Variants in KMT2C observed in about 807,000 individuals in gnomAD.
KMT2C encodes the protein lysine methyltransferase 2C, also known as histone-lysine N-methyltransferase 2C.
Under a neutral mutation model 507.9 loss-of-function variants are expected in KMT2C, and 88 were observed. The observed-to-expected ratio is 0.17, with a 90% CI of 0.15 to 0.21. KMT2C has a LOEUF of 0.21. KMT2C is among the 10% of genes least tolerant of loss of function. The pLI, the probability that KMT2C is intolerant of heterozygous loss-of-function variation, is 1.00. For missense variants in KMT2C, 4,954 were observed against 5,957.8 expected, an observed-to-expected ratio of 0.83 and a Z score of 5.55; for synonymous variants, 2,049 against 2,080.8, an observed-to-expected ratio of 0.98 and a Z score of 0.42.
rs556997323 is a variant in KMT2C, at chr7:152,253,004, G to A, written c.1300-289C>T. Among the ~76,000 whole-genome samples, 3 of 152,048 alleles carry A rather than the reference G, an allele frequency of 2.0e-5. No individual in the cohort carries two copies. The East Asian group carries it at 5.8e-4, about 30-fold the overall frequency. On this transcript the variant is annotated intron_variant, in intron 9 of 58. Coordinates refer to ENST00000262189, the MANE Select transcript of KMT2C (RefSeq NM_170606.3). ...TGAGTAGCTGGGACTACAGGTGTGT[G>A]CCACCACACCCAGCTAATTTTTGTG...
intron 1 of KMT2C, among the ~76,000 whole-genome samples, chr7:152,384,266 A>G (rs1306603009): frequency 6.6e-6 from 1 of 152,154 alleles, no homozygotes; most frequent in Non-Finnish European, 1.5e-5. Flanking sequence ...AATCAAAACT[A>G]TTCCTTGGAA....
chr7:152,210,838 A>G (rs2129140433), intron 23 of KMT2C, among the ~76,000 whole-genome samples: 1 of 152,350 alleles, frequency 6.6e-6, no homozygotes, highest in South Asian at 2.1e-4. Flanking sequence ...AGCTCTTGAA[A>G]TAACTGAAAT....
chr7:152,308,559 A>C (rs143063507), intron 6 of KMT2C, among the ~76,000 whole-genome samples: 7 of 151,312 alleles, frequency 4.6e-5, no homozygotes, highest in African/African-American at 1.7e-4. Context: ...CCTATAATCC[A>C]ATCTACTCAG....
At chr7:152,274,997 A>G (rs2096056250) in intron 6 of KMT2C, among the ~76,000 whole-genome samples, 1 of 152,212 alleles carries the variant, frequency 6.6e-6, no homozygotes, top group Admixed American at 6.5e-5. Flanking sequence ...CTGGAGCCTC[A>G]TGTAACACAG....
intron 28 of KMT2C, among the ~76,000 whole-genome samples, chr7:152,195,223 CTG>C (rs2093927451): frequency 6.6e-6 from 1 of 151,994 alleles, no homozygotes; most frequent in African/African-American, 2.4e-5. Context: ...AAAATTTAGT[CTG>C]TTCTTATTTG....
chr7:152,381,944 AT>A (rs1229638912), intron 1 of KMT2C, among the ~76,000 whole-genome samples: 1 of 152,166 alleles, frequency 6.6e-6, no homozygotes, highest in Non-Finnish European at 1.5e-5. Flanking sequence ...CTGAAGCTCA[AT>A]GTCCATGTCT....
rs1321627777 is a variant in KMT2C, at chr7:152,177,247, C to G, written c.8206G>C (p.Asp2736His). Reference protein sequence around the residue: ...DGKVVELDTLDNLETNDPNLD... With the variant: ...DGKVVELDTLHNLETNDPNLD... ...TTGGGATCATTAGTTTCCAAATTAT[C>G]TAAAGTATCCAATTCAACTACCTTG... The change falls in exon 38 of 59, where the codon GAT becomes CAT. Residue 2736 changes from aspartate to histidine, a missense_variant. Coordinates refer to ENST00000262189, the MANE Select transcript of KMT2C (RefSeq NM_170606.3). 1 of 1,613,812 alleles carries G rather than the reference C, an allele frequency of 6.2e-7. No homozygotes were observed. Among genetic ancestry groups the G allele is most frequent in the Non-Finnish European group, 8.5e-7 (1 of 1,179,954 alleles).
In KMT2C at chr7:152,182,077, G is replaced by A. The variant is rs761494405; in HGVS notation, c.5783C>T (p.Pro1928Leu). The change falls in exon 36 of 59, where the codon CCT (proline) becomes CTT (leucine). Residue 1928 changes from proline to leucine, a missense_variant. This residue lies in a region of KMT2C where 1,689 missense variants were observed against 1,654.3 expected (regional missense o/e 1.02). Coordinates refer to ENST00000262189, the MANE Select transcript of KMT2C (RefSeq NM_170606.3). ...AAGGGGCCTAGATACCGATGATAAA[G>A]GTGTACAGTTTTCCACTGGTGCAGC... ...NSAAPVENCT[P>L]LSSVSRPLQM... is the part of the protein sequence containing the mutation. 1.2e-6 allele frequency: 2 copies of A among 1,614,182 alleles called. No individual in the cohort carries two copies. The highest frequency in any genetic ancestry group is 3.3e-5 in the Admixed American group (2 of 60,022).
chr7:152,341,151 G>C (rs2096988100), intron 2 of KMT2C, among the ~76,000 whole-genome samples: 1 of 152,136 alleles, frequency 6.6e-6, no homozygotes, highest in Non-Finnish European at 1.5e-5. Context: ...CAATGAAACT[G>C]TCTTGGACCC....
chr7:152,139,861 G>C, intron 55 of KMT2C, 70 bp from the exon 56 acceptor site: 1 of 1,101,402 alleles, frequency 9.1e-7, no homozygotes. Context: ...TCATACAAAG[G>C]TTTCACCCTC....
chr7:152,214,144 T>C (rs1190065022), intron 23 of KMT2C, among the ~76,000 whole-genome samples: 2 of 151,608 alleles, frequency 1.3e-5, no homozygotes, highest in African/African-American at 4.9e-5. Flanking sequence ...ATAGCCATTA[T>C]TGAAAACAGT....
At chr7:152,335,845 T>C (rs570606456) in intron 2 of KMT2C, among the ~76,000 whole-genome samples, 2 of 152,260 alleles carry the variant, frequency 1.3e-5, no homozygotes, top group African/African-American at 2.4e-5. Context: ...TTTGCAGGTA[T>C]ACAACCTTTT....
At chr7:152,229,426 G>A (rs2095038699) in intron 18 of KMT2C, among the ~76,000 whole-genome samples, 1 of 152,184 alleles carries the variant, frequency 6.6e-6, no homozygotes, top group African/African-American at 2.4e-5. Flanking sequence ...ATCCTGAAAT[G>A]CTTCAAAGTG....
chr7:152,418,120 A>G (rs2097757147), intron 1 of KMT2C, among the ~76,000 whole-genome samples: 1 of 151,142 alleles, frequency 6.6e-6, no homozygotes, highest in Non-Finnish European at 1.5e-5. Flanking sequence ...TTTGTATCTT[A>G]GTAGAGATGG....
chr7:152,178,674 A>G (rs1443582101), intron 37 of KMT2C, among the ~76,000 whole-genome samples: 1 of 152,104 alleles, frequency 6.6e-6, no homozygotes, highest in Non-Finnish European at 1.5e-5. Context: ...AGGGAAATTA[A>G]GAGTAAGATT....
chr7:152,335,125 G>A (rs748612928), intron 2 of KMT2C, among the ~76,000 whole-genome samples: 1 of 152,172 alleles, frequency 6.6e-6, no homozygotes, highest in Non-Finnish European at 1.5e-5. Flanking sequence ...AGAGCCTGTA[G>A]CTCTAGGCAA....
intron 23 of KMT2C, among the ~76,000 whole-genome samples, chr7:152,208,532 G>C (rs1253654158): frequency 6.6e-6 from 1 of 152,152 alleles, no homozygotes; most frequent in Non-Finnish European, 1.5e-5. Context: ...ATTGTTAGTA[G>C]GATACCTAAT....
At chr7:152,205,978 C>CAT (rs1161496170) in intron 24 of KMT2C, among the ~76,000 whole-genome samples, 1 of 152,070 alleles carries the variant, frequency 6.6e-6, no homozygotes, top group African/African-American at 2.4e-5. Flanking sequence ...GGTATGAGGG[C>CAT]ATTTATACAT....
chr7:152,249,673 C>CAAAAAAAAAAAAA lies in KMT2C; in HGVS notation c.1813+190_1813+202dup, dbSNP rs1183345172. 4.2e-3 allele frequency among the ~76,000 whole-genome samples: 144 copies of CAAAAAAAAAAAAA among 34,496 alleles called. 4 individuals are homozygous for CAAAAAAAAAAAAA. The highest frequency in any genetic ancestry group is 0.01 in the South Asian group (5 of 490). The allele number at this position is 34,496 out of a possible 152,430, so 22.6% of individuals were successfully genotyped here. On this transcript the variant is annotated intron_variant, in intron 13 of 58. Coordinates refer to ENST00000262189, the MANE Select transcript of KMT2C (RefSeq NM_170606.3). ...ATTTTTAATCATGACCTCCCCCCTCCAAAAAAAAAAAAAAAAAAAAAAAAA... is the reference window on the plus strand; with the variant it reads ...ATTTTTAATCATGACCTCCCCCCTCCAAAAAAAAAAAAAAAAAAAAAAAAAAAAAAAAAAAAAA...
Sources: gnomAD v4.1 joint callset for allele counts (sites outside exome capture counted in the v4.1 genomes callset) on GRCh38, gnomAD v4.1.1 for gene constraint, gnomAD v4.1.1 regional missense constraint, MANE v1.5 for transcripts, NCBI Gene and HGNC (gene_info 2026-07-23, HGNC 2026-07-21) for gene names.